BMP1: variants seen among roughly 807,000 people sequenced by gnomAD.
The protein encoded by BMP1 is mammalian tolloid protein.
In BMP1, 63 loss-of-function variants were observed where a neutral mutation model predicts 116.8. The observed-to-expected ratio is 0.54, with a 90% CI of 0.44 to 0.67. BMP1 has a LOEUF of 0.67. Ranked by LOEUF, BMP1 falls within the 30% of genes least tolerant of loss-of-function variation. The pLI, the probability that BMP1 is intolerant of heterozygous loss-of-function variation, is 0.00. For missense variants in BMP1, 1,183 were observed against 1,358.9 expected (o/e 0.87, Z 2.04); for synonymous variants, 536 against 533.4 (o/e 1.00, Z -0.07).
intron 8 of BMP1, among the ~76,000 whole-genome samples, chr8:22,181,165 G>A (rs562459312): frequency 6.4e-4 from 98 of 152,282 alleles, no homozygotes; most frequent in African/African-American, 2.3e-3. Context: ...CTCTCCACTG[G>A]CACTCTATTT....
rs563026933 is a variant in BMP1, at chr8:22,194,022, G to A, written c.1181-36G>A. 13 of 1,577,000 alleles carry A rather than the reference G, an allele frequency of 8.2e-6. No homozygotes were observed. In the East Asian group the frequency reaches 2.5e-4, roughly 30 times the overall value. The stretch of plus-strand genomic sequence containing the variant: ...GGGGCCTCTATAGGGGGTGTCCTCA[G>A]GGTTCACCACTCTTCCATCCACACT... On this transcript the variant is annotated intron_variant, in intron 9 of 19. Transcript: ENST00000306385. This position sits in a 1 kb window ranked among gnomAD's most constrained non-coding sequence, Gnocchi z 4.5.
intron 1 of BMP1, chr8:22,171,415 T>C (rs1274104987): frequency 2.0e-5 from 3 of 152,234 alleles, no homozygotes; most frequent in Non-Finnish European, 4.4e-5. Flanking sequence ...GAAAGCACTT[T>C]GCCAATTGGA....
intron 15 of BMP1, among the ~76,000 whole-genome samples, chr8:22,200,440 A>G (rs1057295323): frequency 7.2e-5 from 11 of 152,126 alleles, no homozygotes; most frequent in South Asian, 6.2e-4. Context: ...CTCTTCACAC[A>G]TAGGTGGGAA....
chr8:22,177,438 G>A (rs1828479257), intron 5 of BMP1: 3 of 679,076 alleles, frequency 4.4e-6, no homozygotes, highest in African/African-American at 3.5e-5. Flanking sequence ...GCCGTCCTGG[G>A]GACTGCTCAG....
At chr8:22,200,988 C>G (rs1829244444) in intron 15 of BMP1, 1 of 301,770 alleles carries the variant, frequency 3.3e-6, no homozygotes, top group Non-Finnish European at 6.6e-6. Context: ...TCCGCCTGCC[C>G]TCCCGCCCCA....
At position 22,207,342 on chromosome 8, in the gene BMP1, G is replaced by A. The variant is rs771209077; in HGVS notation, c.2401G>A (p.Ala801Thr). The change falls in exon 18 of 20, where the codon GCC (alanine) becomes ACC (threonine). Residue 801 changes from alanine (A) to threonine (T), a missense_variant. Coordinates refer to ENST00000306385, the MANE Select transcript of BMP1 (RefSeq NM_006129.5). The stretch of plus-strand genomic sequence containing the variant: ...GGACATCGAGTCCCAGCCTGAGTGT[G>A]CCTACGACCACCTAGAGGTGTTCGA... The part of the protein sequence containing the change: ...EMDIESQPEC[A>T]YDHLEVFDGR... 8 of 1,613,896 alleles carry A rather than the reference G, an allele frequency of 5.0e-6. No individual in the cohort carries two copies. Among genetic ancestry groups the A allele is most frequent in the African/African-American group, 1.3e-5 (1 of 74,908 alleles).
chr8:22,168,489 C>G (rs567519139), intron 1 of BMP1, among the ~76,000 whole-genome samples: 2 of 152,298 alleles, frequency 1.3e-5, no homozygotes, highest in Non-Finnish European at 2.9e-5. Flanking sequence ...AGAAGCATGT[C>G]ACACCCAGAG....
At chr8:22,199,534 A>C in intron 15 of BMP1, 2 of 790,378 alleles carry the variant, frequency 2.5e-6, no homozygotes, top group Non-Finnish European at 3.3e-6. Context: ...TCCCCCACTC[A>C]TTCATCCAGC....
intron 19 of BMP1, among the ~76,000 whole-genome samples, chr8:22,210,468 T>TCTCTCTCTCACACACACACA (rs10664439): frequency 1.5e-5 from 2 of 135,568 alleles, no homozygotes; most frequent in African/African-American, 5.9e-5. Flanking sequence ...TCTCTCTCTC[T>TCTCTCTCTCACACACACACA]CACACACATA....
intron 8 of BMP1, among the ~76,000 whole-genome samples, chr8:22,188,425 C>G (rs1275690384): frequency 6.6e-6 from 1 of 152,186 alleles, no homozygotes; most frequent in Non-Finnish European, 1.5e-5. Flanking sequence ...CCGCCTCAGT[C>G]ACCCAAAGTG....
intron 1 of BMP1, chr8:22,169,862 T>G (rs1292039860): frequency 6.6e-6 from 1 of 152,228 alleles, no homozygotes; most frequent in African/African-American, 2.4e-5. Flanking sequence ...TCAGCCACAG[T>G]GCTCCTGGCA....
chr8:22,175,282 G>A (rs552465140), intron 2 of BMP1, among the ~76,000 whole-genome samples: 2 of 152,138 alleles, frequency 1.3e-5, no homozygotes, highest in African/African-American at 4.8e-5. Flanking sequence ...ATGAATTTGG[G>A]AAATCAAAAG....
At chr8:22,180,619 T>A in intron 8 of BMP1, 136 bp downstream of exon 8, 2 of 736,012 alleles carry the variant, frequency 2.7e-6, no homozygotes, top group South Asian at 3.5e-5. Context: ...TCCAGAGCGC[T>A]GATGGAGCAC....
chr8:22,177,777 C>T, intron 5 of BMP1, 75 bp from the exon 6 acceptor site: 1 of 1,147,790 alleles, frequency 8.7e-7, no homozygotes, highest in Non-Finnish European at 1.3e-6. Flanking sequence ...ATTCCCTGCC[C>T]TGGAAAGTGA....
chr8:22,208,736 C>G (rs1284334647), intron 18 of BMP1, among the ~76,000 whole-genome samples: 5 of 152,230 alleles, frequency 3.3e-5, no homozygotes, highest in Admixed American at 3.3e-4. Context: ...GCTTTGCAGT[C>G]TCCTCCTGGG....
At chr8:22,191,654 C>T (rs2131877638) in intron 8 of BMP1, among the ~76,000 whole-genome samples, 1 of 152,362 alleles carries the variant, frequency 6.6e-6, no homozygotes, top group East Asian at 1.9e-4. Flanking sequence ...GCCCTTCTTT[C>T]CTCTTGCCTC....
chr8:22,211,477 G>T, intron 19 of BMP1, 117 bp from the exon 20 acceptor site: 2 of 1,417,234 alleles, frequency 1.4e-6, no homozygotes, highest in South Asian at 2.5e-5. Context: ...AAGGGGCGGG[G>T]AGAATCTGGT....
intron 15 of BMP1, among the ~76,000 whole-genome samples, chr8:22,200,796 C>T (rs998215399): frequency 2.0e-5 from 3 of 152,134 alleles, no homozygotes; most frequent in Non-Finnish European, 4.4e-5. Context: ...TCCCCTCTAC[C>T]GACGACTCCC....
Position 22,212,105 on chromosome 8 carries a change from C to T in BMP1, c.*377C>T, listed in dbSNP as rs1829473622. The T allele has an allele frequency of 4.7e-6, 1 of 214,362 alleles. No homozygotes were observed. Among genetic ancestry groups the T allele is most frequent in the Non-Finnish European group, 9.6e-6 (1 of 104,364 alleles). 13.3% of individuals were successfully genotyped at this position (214,362 alleles called of 1,614,324 possible). ...GGGGCATTATTTTCATTGTAATGTT[C>T]ATTTCCCACCCCTGCTCCAGCCTCG... On this transcript the variant is annotated 3_prime_UTR_variant, in exon 20 of 20. Transcript: ENST00000306385.
Sources: gnomAD v4.1 joint callset for allele counts (sites outside exome capture counted in the v4.1 genomes callset) on GRCh38, gnomAD v4.1.1 for gene constraint, Gnocchi (gnomAD v3.1) non-coding constraint, MANE v1.5 for transcripts, NCBI Gene and HGNC (gene_info 2026-07-23, HGNC 2026-07-21) for gene names.